Variants in NDUFAB1 observed in about 807,000 individuals in gnomAD.
NDUFAB1 encodes NADH:ubiquinone oxidoreductase subunit AB1.
NDUFAB1 carries 5 observed loss-of-function variants against 16.1 expected under a neutral mutation model. The observed-to-expected ratio is 0.31, with a 90% CI of 0.16 to 0.65. The LOEUF (loss-of-function observed/expected upper bound fraction) is 0.65, where lower values mean the gene tolerates loss of function less well. Among genes scored for constraint, NDUFAB1 ranks in the 30% least tolerant of loss-of-function variants. The probability of loss-of-function intolerance (pLI) is 0.77; values close to 1 mark genes in which losing one functional copy is unlikely to be tolerated. For synonymous variants in NDUFAB1, 85 were observed against 78.4 expected, an observed-to-expected ratio of 1.08 and a Z score of -0.44; for missense variants, 187 against 205.3, an observed-to-expected ratio of 0.91 and a Z score of 0.54.
chr16:23,591,038 C>T (rs769816809), intron 1 of NDUFAB1: 6 of 152,106 alleles, frequency 3.9e-5, no homozygotes, highest in African/African-American at 7.2e-5. Context: ...ATACTATCAC[C>T]CTCCTTTTTA....
intron 2 of NDUFAB1, 47 bp from the exon 3 acceptor site, chr16:23,585,470 C>G (rs1966224605): frequency 7.4e-7 from 1 of 1,354,742 alleles, no homozygotes; most frequent in Non-Finnish European, 1.1e-6. Flanking sequence ...ATGAAAGCAT[C>G]TGCTTCCCAA....
chr16:23,590,638 C>CTATTTCTTCTTCT (rs574003194), intron 1 of NDUFAB1, among the ~76,000 whole-genome samples: 7 of 131,834 alleles, frequency 5.3e-5, no homozygotes, highest in African/African-American at 2.0e-4. Context: ...CCTCTGGTCT[C>CTATTTCTTCTTCT]TTTTTTTTTT....
intron 2 of NDUFAB1, among the ~76,000 whole-genome samples, chr16:23,586,085 G>A (rs1003187688): frequency 2.6e-5 from 4 of 151,624 alleles, no homozygotes; most frequent in East Asian, 2.0e-4. Flanking sequence ...GCACCACCAC[G>A]CCCAGCTAAT....
At chr16:23,589,253 G>A (rs1055475981) in intron 1 of NDUFAB1, among the ~76,000 whole-genome samples, 6 of 150,502 alleles carry the variant, frequency 4.0e-5, no homozygotes, top group Non-Finnish European at 7.4e-5. Context: ...CCAAGATCAT[G>A]CCATTTACAC....
chr16:23,590,112 G>A (rs1050561127), intron 1 of NDUFAB1, among the ~76,000 whole-genome samples: 8 of 152,080 alleles, frequency 5.3e-5, no homozygotes, highest in South Asian at 2.1e-4. Context: ...TTCTATGTTC[G>A]TACACAACTA....
chr16:23,581,405 G>A (rs1047418939), intron 4 of NDUFAB1, among the ~76,000 whole-genome samples: 3 of 152,064 alleles, frequency 2.0e-5, no homozygotes, highest in Non-Finnish European at 2.9e-5. Context: ...AATTAGCTGG[G>A]CGTGGAGGTG....
Position 23,585,457 on chromosome 16 carries a change from T to G in NDUFAB1, c.292-34A>C, listed in dbSNP as rs557576752. 4 of 1,486,620 alleles carry G rather than the reference T, an allele frequency of 2.7e-6. No individual in the cohort carries two copies. The East Asian group carries it at 6.8e-5, about 25-fold the overall frequency. The allele number at this position is 1,486,620 out of a possible 1,614,324, so 92.1% of individuals were successfully genotyped here. On this transcript the variant is annotated intron_variant, in intron 2 of 4. Coordinates refer to ENST00000007516, the MANE Select transcript of NDUFAB1 (RefSeq NM_005003.3). Reference sequence around the variant, plus strand: ...AAGGAGCACCAAACACAAAATTTAGTCCATGAAAGCATCTGCTTCCCAAGA... The same window carrying G: ...AAGGAGCACCAAACACAAAATTTAGGCCATGAAAGCATCTGCTTCCCAAGA...
At chr16:23,594,128 G>A (rs1342587351) in intron 1 of NDUFAB1, among the ~76,000 whole-genome samples, 1 of 151,856 alleles carries the variant, frequency 6.6e-6, no homozygotes, top group East Asian at 2.0e-4. Context: ...TGATCCGCCC[G>A]TCTCGGCCTC....
Position 23,581,071 on chromosome 16 carries a change from A to G in NDUFAB1, c.*111T>C, listed in dbSNP as rs964880853. On this transcript the variant is annotated 3_prime_UTR_variant, in exon 5 of 5. Transcript: ENST00000007516. ...ACACATACAATTTAAATACAAGTCC[A>G]TCAGAATCACTCTGTCAGAGTCAGC... 2.6e-5 allele frequency: 4 copies of G among 152,704 alleles called. No individual in the cohort carries two copies. The highest frequency in any genetic ancestry group is 1.9e-4 in the East Asian group (1 of 5,206). 9.5% of individuals were successfully genotyped at this position (152,704 alleles called of 1,614,324 possible).
Position 23,596,158 on chromosome 16 carries a change from G to A in NDUFAB1, c.133C>T (p.Leu45Phe). The A allele has an allele frequency of 2.5e-6, 4 of 1,610,538 alleles. No homozygotes were observed. Among genetic ancestry groups the A allele is most frequent in the Non-Finnish European group, 3.4e-6 (4 of 1,178,744 alleles). ...ALCSAGTQTR[L>F]GTLQPALVLA... ...ACTAAGGCCGGCTGCAAAGTCCCGA[G>A]CCTCGTCTGGGTCCCCGCGGAGCAG... The change falls in exon 1 of 5, where the codon CTC (leucine) becomes TTC (phenylalanine). Residue 45 changes from leucine (L) to phenylalanine (F), a missense_variant. Physicochemically the swap from Leu to Phe is conservative, Grantham distance 22. Around this residue, in one of 3 missense-constraint regions of NDUFAB1, gnomAD observed 135 missense variants for 129.4 expected, o/e 1.04. Coordinates refer to ENST00000007516, the MANE Select transcript of NDUFAB1 (RefSeq NM_005003.3).
chr16:23,589,916 G>A (rs460477), intron 1 of NDUFAB1, among the ~76,000 whole-genome samples: 39,999 of 144,754 alleles, frequency 0.28, 6,213 homozygotes, highest in African/African-American at 0.43. Context: ...AGCCTGGGCG[G>A]CAGGGTGAGA....
At chr16:23,589,129 C>T (rs1966257596) in intron 1 of NDUFAB1, among the ~76,000 whole-genome samples, 1 of 151,972 alleles carries the variant, frequency 6.6e-6, no homozygotes, top group Non-Finnish European at 1.5e-5. Context: ...GAAACCCCGT[C>T]TCTACCAAAA....
chr16:23,582,710 C>CT (rs74490081), intron 3 of NDUFAB1, among the ~76,000 whole-genome samples: 21,625 of 148,198 alleles, frequency 0.15, 1,986 homozygotes, highest in African/African-American at 0.22. Flanking sequence ...CCAGCTCCCT[C>CT]TCCCTCTCCC....
chr16:23,586,532 A>G (rs1338658689), intron 2 of NDUFAB1, among the ~76,000 whole-genome samples: 1 of 150,892 alleles, frequency 6.6e-6, no homozygotes. Flanking sequence ...ATGGGGTTTC[A>G]CCATCTTGGC....
intron 3 of NDUFAB1, among the ~76,000 whole-genome samples, 175 bp downstream of exon 3, chr16:23,585,161 C>G (rs893103132): frequency 6.6e-6 from 1 of 152,216 alleles, no homozygotes; most frequent in South Asian, 2.1e-4. Context: ...TGTACCATCC[C>G]TAAAGCTTAC....
rs1426391342 is a variant in NDUFAB1 at position 23,587,327 on chromosome 16, G to A, written c.169-8C>T. ...TGTAACTCTACCAGGAACCTAGAGCGACGGCAGGAAGGAAACACTGTCATT... is the reference window on the plus strand; with the variant it reads ...TGTAACTCTACCAGGAACCTAGAGCAACGGCAGGAAGGAAACACTGTCATT... On this transcript the variant is annotated splice_polypyrimidine_tract_variant and splice_region_variant and intron_variant, in intron 1 of 4. Transcript: ENST00000007516. 1 of 1,612,580 alleles carries A rather than the reference G, an allele frequency of 6.2e-7. No homozygotes were observed.
intron 3 of NDUFAB1, among the ~76,000 whole-genome samples, chr16:23,584,598 T>C (rs1196821122): frequency 4.6e-5 from 7 of 151,928 alleles, no homozygotes; most frequent in Non-Finnish European, 1.0e-4. Context: ...AATCCTGGGG[T>C]TCCTACTATT....
chr16:23,593,677 C>T (rs1430634686), intron 1 of NDUFAB1, among the ~76,000 whole-genome samples: 1 of 152,086 alleles, frequency 6.6e-6, no homozygotes, highest in East Asian at 1.9e-4. Flanking sequence ...ACTCTCTGGC[C>T]CCTTCCCAGA....
At chr16:23,584,316 G>C (rs1386747622) in intron 3 of NDUFAB1, among the ~76,000 whole-genome samples, 1 of 140,140 alleles carries the variant, frequency 7.1e-6, no homozygotes, top group Non-Finnish European at 1.5e-5. Context: ...ATCCTCCCTA[G>C]CTCTGGCAAC....
Sources: gnomAD v4.1 joint callset for allele counts (sites outside exome capture counted in the v4.1 genomes callset) on GRCh38, gnomAD v4.1.1 for gene constraint, gnomAD v4.1.1 regional missense constraint, MANE v1.5 for transcripts, NCBI Gene and HGNC (gene_info 2026-07-23, HGNC 2026-07-21) for gene names.